LIPH: variants seen among roughly 807,000 people sequenced by gnomAD.
LIPH encodes lipase H, also known as lipase member H.
LIPH carries 32 observed loss-of-function variants against 47.6 expected under a neutral mutation model. That is an observed-to-expected ratio of 0.67 (90% confidence interval 0.51 to 0.90). The LOEUF (loss-of-function observed/expected upper bound fraction) is 0.90, where lower values mean the gene tolerates loss of function less well. LIPH is among the 40% of genes least tolerant of loss of function. The pLI is 0.00. For missense variants in LIPH, 497 were observed against 541.4 expected, an observed-to-expected ratio of 0.92 and a Z score of 0.81; for synonymous variants, 190 against 195.6, an observed-to-expected ratio of 0.97 and a Z score of 0.24.
chr3:185,550,814 C>T (rs1481459048), intron 1 of LIPH, among the ~76,000 whole-genome samples: 13 of 152,108 alleles, frequency 8.5e-5, no homozygotes, highest in South Asian at 4.1e-4. Flanking sequence ...GTGATCCACG[C>T]GCCTTGGCCT....
rs553213356 is a variant in LIPH, at chr3:185,508,310, T to G, written c.*480A>C. ...ATTTCAAAAAACCCTTCATAGATTT[T>G]TGCCTCCCAAACCCACACAGCAGCC... On this transcript the variant is annotated 3_prime_UTR_variant, in exon 10 of 10. Coordinates refer to ENST00000296252, the MANE Select transcript of LIPH (RefSeq NM_139248.3). The G allele has an allele frequency of 4.7e-5, 8 of 168,972 alleles. No individual in the cohort carries two copies. The East Asian group carries it at 1.2e-3, about 25-fold the overall frequency. The allele number at this position is 168,972 out of a possible 1,614,324, so 10.5% of individuals were successfully genotyped here. A position where few individuals can be genotyped will look rare whatever the true frequency, so the allele number is the denominator to read the frequency against.
At chr3:185,545,982 C>G (rs1426634480) in intron 1 of LIPH, among the ~76,000 whole-genome samples, 1 of 151,596 alleles carries the variant, frequency 6.6e-6, no homozygotes, top group East Asian at 1.9e-4. Context: ...ATGGTGAAAC[C>G]CCATCTCTAC....
chr3:185,535,120 G>GTT lies in LIPH; in HGVS notation c.60_61dup (p.Thr21LysfsTer9). 6.2e-7 allele frequency: 1 copy of GTT among 1,614,130 alleles called. No homozygotes were observed. On this transcript the variant is annotated frameshift_variant, in exon 2 of 10. Transcript: ENST00000296252. ...GCTCAGCCTGGTGAATGAAGGACAT[G>GTT]TTTCTTCTGCGTCTGAAAATAAAAA...
Position 185,519,318 on chromosome 3 carries a change from T to C in LIPH, c.719-9A>G, listed in dbSNP as rs754481220. ...TTTAAAATACTGAAATCCTTGGTTG[T>C]AAAAGAAGTGATGAAAGAGTAGAGC... On this transcript the variant is annotated splice_polypyrimidine_tract_variant and intron_variant, in intron 5 of 9. Coordinates refer to ENST00000296252, the MANE Select transcript of LIPH (RefSeq NM_139248.3). 2 of 1,602,684 alleles carry C rather than the reference T, an allele frequency of 1.2e-6. No individual in the cohort carries two copies. The highest frequency in any genetic ancestry group is 1.7e-6 in the Non-Finnish European group (2 of 1,169,964).
chr3:185,528,501 C>A (rs907116361), intron 3 of LIPH, among the ~76,000 whole-genome samples: 4 of 152,104 alleles, frequency 2.6e-5, no homozygotes, highest in African/African-American at 9.7e-5. Context: ...GTAAGGGAGG[C>A]AGGGTAGCTA....
At chr3:185,532,379 G>T (rs1359967055) in intron 3 of LIPH, among the ~76,000 whole-genome samples, 1 of 151,912 alleles carries the variant, frequency 6.6e-6, no homozygotes, top group Non-Finnish European at 1.5e-5. Flanking sequence ...AGGTGTGGTG[G>T]CACACACCTG....
Position 185,506,879 on chromosome 3 carries a change from TG to T in LIPH, c.*1910del, listed in dbSNP as rs891408384. The T allele has an allele frequency of 4.9e-5, 7 of 142,276 alleles. No individual in the cohort carries two copies. The highest frequency in any genetic ancestry group is 1.1e-4 in the Non-Finnish European group (7 of 66,288). 8.8% of individuals were successfully genotyped at this position (142,276 alleles called of 1,614,324 possible). A position where few individuals can be genotyped will look rare whatever the true frequency, so the allele number is the denominator to read the frequency against. On this transcript the variant is annotated 3_prime_UTR_variant, in exon 10 of 10. Coordinates refer to ENST00000296252, the MANE Select transcript of LIPH (RefSeq NM_139248.3). ...AAAAAAACCAGGGCCTACAGCACAC[TG>T]ATCTCTCTATCCACAATTGCTGAGG...
intron 1 of LIPH, among the ~76,000 whole-genome samples, chr3:185,542,536 C>T (rs371412474): frequency 3.3e-5 from 5 of 151,918 alleles, no homozygotes; most frequent in East Asian, 3.9e-4. Flanking sequence ...ACGCTGGTCT[C>T]GAACTCCTGA....
At position 185,533,644 on chromosome 3, in the gene LIPH, G is replaced by T. The variant is rs563060609; in HGVS notation, c.453C>A (p.Ile151=). 1.9e-6 allele frequency: 3 copies of T among 1,613,772 alleles called. No homozygotes were observed. In the Admixed American group the frequency reaches 5.0e-5, roughly 27 times the overall value. The stretch of plus-strand genomic sequence containing the variant: ...ATATGTGGGCTCCTAGACTTACTCC[G>T]ATCATGTAAATGTCATCAAGAGAAG... ...EGASLDDIYM[I]GVSLGAHISG... The change falls in exon 3 of 10, where the codon ATC becomes ATA. Residue 151 remains isoleucine (I), a synonymous_variant. Transcript: ENST00000296252.
intron 1 of LIPH, among the ~76,000 whole-genome samples, chr3:185,548,918 G>A (rs986200653): frequency 1.3e-5 from 2 of 151,958 alleles, no homozygotes; most frequent in African/African-American, 4.8e-5. Flanking sequence ...GGGATCACGA[G>A]GTCAAGAGTT....
intron 6 of LIPH, 96 bp downstream of exon 6, chr3:185,519,046 T>C: frequency 1.9e-6 from 2 of 1,065,374 alleles, no homozygotes. Context: ...TTTAATACAA[T>C]TATGGGGCCA....
chr3:185,509,619 C>T (rs1345880438), intron 9 of LIPH, among the ~76,000 whole-genome samples: 3 of 151,856 alleles, frequency 2.0e-5, no homozygotes, highest in Non-Finnish European at 4.4e-5. Context: ...GGTGACAGAG[C>T]GAGACTCCGT....
At chr3:185,549,100 C>T (rs1354576678) in intron 1 of LIPH, among the ~76,000 whole-genome samples, 3 of 149,632 alleles carry the variant, frequency 2.0e-5, no homozygotes, top group Non-Finnish European at 4.4e-5. Context: ...CACTGCAGTC[C>T]AGCCTGGCAA....
intron 4 of LIPH, among the ~76,000 whole-genome samples, chr3:185,524,450 C>CT (rs563332434): frequency 0.038 from 5,236 of 138,130 alleles, 296 homozygotes; most frequent in African/African-American, 0.12. Flanking sequence ...CATTTCTTCT[C>CT]TTTTTTTTTT....
chr3:185,531,763 G>A (rs1334403477), intron 3 of LIPH, among the ~76,000 whole-genome samples: 2 of 152,094 alleles, frequency 1.3e-5, no homozygotes, highest in African/African-American at 4.8e-5. Context: ...TCTAAATCCA[G>A]AACATTCTGA....
At chr3:185,524,813 A>G (rs1263945383) in intron 4 of LIPH, among the ~76,000 whole-genome samples, 1 of 152,130 alleles carries the variant, frequency 6.6e-6, no homozygotes. Context: ...CTCTATTTGC[A>G]TTTGTATAAC....
At position 185,508,612 on chromosome 3, in the gene LIPH, T is replaced by C. The variant is rs766633887; in HGVS notation, c.*178A>G. The C allele has an allele frequency of 6.4e-6, 4 of 622,028 alleles. No homozygotes were observed. Among genetic ancestry groups the C allele is most frequent in the South Asian group, 5.5e-5 (3 of 54,144 alleles). The allele number at this position is 622,028 out of a possible 1,614,324, so 38.5% of individuals were successfully genotyped here. On this transcript the variant is annotated 3_prime_UTR_variant, in exon 10 of 10. Transcript: ENST00000296252. ...CCTAGTTAGGGGCTCCTTCCCAGGA[T>C]CGTTTTATAATCACAAGGTTGTTTG...
At chr3:185,528,865 AAAC>A (rs760869628) in intron 3 of LIPH, among the ~76,000 whole-genome samples, 9 of 152,262 alleles carry the variant, frequency 5.9e-5, no homozygotes, top group Non-Finnish European at 1.2e-4. Context: ...AATAAAGATT[AAAC>A]AACAACAAGA....
At chr3:185,529,912 AAG>A (rs745363430) in intron 3 of LIPH, among the ~76,000 whole-genome samples, 258 of 36,648 alleles carry the variant, frequency 7.0e-3, no homozygotes, top group Non-Finnish European at 0.013. Flanking sequence ...AAAGAAAAGA[AAG>A]AAAGAAAGAA....
Sources: gnomAD v4.1 joint callset for allele counts (sites outside exome capture counted in the v4.1 genomes callset) on GRCh38, gnomAD v4.1.1 for gene constraint, MANE v1.5 for transcripts, NCBI Gene and HGNC (gene_info 2026-07-23, HGNC 2026-07-21) for gene names.